Variants in LY96 observed in about 807,000 individuals in gnomAD.
LY96 encodes lymphocyte antigen 96.
A neutral mutation model predicts 18.9 loss-of-function variants in LY96; 18 were observed. The ratio of observed to expected loss-of-function variants is 0.95; its 90% CI spans 0.66 to 1.41. LY96 has a LOEUF of 1.41. Among genes scored for constraint, LY96 ranks in the 40% most tolerant of loss-of-function variants. The pLI is 0.00. For synonymous variants in LY96, 66 were observed against 62.6 expected (o/e 1.06, Z -0.26); for missense variants, 175 against 182.4 (o/e 0.96, Z 0.23).
At chr8:74,088,083 A>AAGAATAGAATAGAT in the LY96 span, among the ~76,000 whole-genome samples, 2 of 120,324 alleles carry the variant, frequency 1.7e-5, no homozygotes, top group African/African-American at 6.5e-5. Flanking sequence ...TCACTGAGAG[A>AAGAATAGAATAGAT]AGAATAGAAT....
the LY96 span, among the ~76,000 whole-genome samples, chr8:74,091,968 C>T: frequency 1.3e-5 from 2 of 152,184 alleles, no homozygotes; most frequent in Non-Finnish European, 2.9e-5. Context: ...AACAGCAGGA[C>T]ACGCTTTCTG....
At chr8:74,080,886 T>G in the LY96 span, among the ~76,000 whole-genome samples, 4 of 152,224 alleles carry the variant, frequency 2.6e-5, no homozygotes, top group Non-Finnish European at 4.4e-5. Context: ...CTGACTCTTG[T>G]GCAGAAGAGA....
At chr8:74,035,175 T>C in the LY96 span, among the ~76,000 whole-genome samples, 1 of 152,232 alleles carries the variant, frequency 6.6e-6, no homozygotes, top group African/African-American at 2.4e-5. Flanking sequence ...AAGTCAGTTT[T>C]GTAACCTTCC....
intron 3 of LY96, among the ~76,000 whole-genome samples, chr8:74,013,945 G>A (rs1563715953): frequency 6.6e-6 from 1 of 151,984 alleles, no homozygotes; most frequent in African/African-American, 2.4e-5. Flanking sequence ...CAGATAACTA[G>A]CATCCATATG....
chr8:74,060,318 A>C, the LY96 span, among the ~76,000 whole-genome samples: 1 of 152,258 alleles, frequency 6.6e-6, no homozygotes, highest in Admixed American at 6.5e-5. Flanking sequence ...AAATTTTATA[A>C]ATCAATTAGC....
At chr8:74,060,412 C>G in the LY96 span, among the ~76,000 whole-genome samples, 1 of 152,168 alleles carries the variant, frequency 6.6e-6, no homozygotes, top group African/African-American at 2.4e-5. Flanking sequence ...CTATCGGAAC[C>G]CTGACTTTCA....
At chr8:74,026,471 T>C (rs180939394) in intron 3 of LY96, among the ~76,000 whole-genome samples, 3,583 of 152,332 alleles carry the variant, frequency 0.024, 134 homozygotes, top group African/African-American at 0.08. Flanking sequence ...GAAAACTAGT[T>C]TGCAATGCAC....
At chr8:74,093,111 AG>A in the LY96 span, among the ~76,000 whole-genome samples, 2 of 152,178 alleles carry the variant, frequency 1.3e-5, no homozygotes, top group Non-Finnish European at 2.9e-5. Context: ...GTTCCCAAAC[AG>A]GTCTCAGGGC....
At chr8:74,070,038 A>G in the LY96 span, among the ~76,000 whole-genome samples, 1 of 151,946 alleles carries the variant, frequency 6.6e-6, no homozygotes, top group African/African-American at 2.4e-5. Flanking sequence ...TCTCCTGAAT[A>G]TATTTCATAT....
chr8:74,068,441 A>C, the LY96 span, among the ~76,000 whole-genome samples: 1 of 152,218 alleles, frequency 6.6e-6, no homozygotes, highest in South Asian at 2.1e-4. Context: ...ACTCATGTAC[A>C]TATCTTTGTG....
the LY96 span, among the ~76,000 whole-genome samples, chr8:74,038,880 G>A: frequency 9.2e-5 from 14 of 152,220 alleles, no homozygotes; most frequent in African/African-American, 3.4e-4. Context: ...GTAATCCAGT[G>A]GGATTGCTGG....
At chr8:74,067,081 G>T in the LY96 span, among the ~76,000 whole-genome samples, 1 of 152,222 alleles carries the variant, frequency 6.6e-6, no homozygotes, top group Non-Finnish European at 1.5e-5. Context: ...CTGCAGTTTG[G>T]AAAGTCCTTG....
intron 3 of LY96, among the ~76,000 whole-genome samples, chr8:74,022,364 A>G (rs1043419446): frequency 6.6e-6 from 1 of 151,774 alleles, no homozygotes; most frequent in African/African-American, 2.4e-5. Flanking sequence ...CCAAGATCCC[A>G]CCACTGCACT....
chr8:74,012,647 G>A (rs1816552824), intron 3 of LY96, among the ~76,000 whole-genome samples: 1 of 152,040 alleles, frequency 6.6e-6, no homozygotes, highest in Non-Finnish European at 1.5e-5. Flanking sequence ...GATTGCACAT[G>A]TACCTGGTAA....
chr8:74,065,164 C>A, the LY96 span, among the ~76,000 whole-genome samples: 1 of 152,194 alleles, frequency 6.6e-6, no homozygotes. Flanking sequence ...GATCCCACTT[C>A]TAGATGTCTC....
chr8:74,055,664 A>G, the LY96 span, among the ~76,000 whole-genome samples: 5 of 152,252 alleles, frequency 3.3e-5, no homozygotes, highest in African/African-American at 9.6e-5. Context: ...GTCTTAAGAC[A>G]GGGAAGATTA....
chr8:74,043,770 CTAAT>C, the LY96 span, among the ~76,000 whole-genome samples: 3 of 151,902 alleles, frequency 2.0e-5, no homozygotes, highest in African/African-American at 7.3e-5. Flanking sequence ...TGATGAATGC[CTAAT>C]TAATTAAAGG....
chr8:74,034,264 C>T, the LY96 span, among the ~76,000 whole-genome samples: 252 of 151,938 alleles, frequency 1.7e-3, 1 homozygote, highest in African/African-American at 5.7e-3. Context: ...CCCAGCTACT[C>T]GGGAGGCTGA....
intron 3 of LY96, among the ~76,000 whole-genome samples, chr8:74,017,230 C>T (rs937098793): frequency 5.3e-5 from 8 of 152,128 alleles, no homozygotes; most frequent in African/African-American, 1.2e-4. Context: ...AGATGAAAAG[C>T]GTGGCACGAG....
Sources: gnomAD v4.1 joint callset for allele counts (sites outside exome capture counted in the v4.1 genomes callset) on GRCh38, gnomAD v4.1.1 for gene constraint, MANE v1.5 for transcripts, NCBI Gene and HGNC (gene_info 2026-07-23, HGNC 2026-07-21) for gene names.